ABCC1: variants seen among roughly 807,000 people sequenced by gnomAD.
ABCC1 encodes the protein ATP binding cassette subfamily C member 1 (ABCC1 blood group).
ABCC1 carries 83 observed loss-of-function variants against 172.9 expected under a neutral mutation model. The observed-to-expected ratio is 0.48, with a 90% CI of 0.40 to 0.58. The LOEUF is 0.58. Among genes scored for constraint, ABCC1 ranks in the 20% least tolerant of loss-of-function variants. ABCC1 has a pLI of 0.00. For synonymous variants in ABCC1, 937 were observed against 825.2 expected (o/e 1.14, Z -2.32); for missense variants, 1,817 against 2,002.7 (o/e 0.91, Z 1.77).
chr16:16,039,424 C>T (rs892803992), intron 7 of ABCC1, among the ~76,000 whole-genome samples: 1 of 151,212 alleles, frequency 6.6e-6, no homozygotes, highest in African/African-American at 2.4e-5. Context: ...CATGCCACCA[C>T]GCCTGACTAA....
intron 23 of ABCC1, among the ~76,000 whole-genome samples, chr16:16,120,407 C>T (rs2045099004): frequency 6.6e-6 from 1 of 152,230 alleles, no homozygotes; most frequent in Non-Finnish European, 1.5e-5. Context: ...CTCCACAAAG[C>T]TTGCAGAAGG....
At position 15,981,171 on chromosome 16, in the gene ABCC1, C is replaced by T. The variant is rs866337033; in HGVS notation, c.49-26645C>T. Among the ~76,000 whole-genome samples the T allele has an allele frequency of 7.9e-5, 12 of 152,246 alleles. No individual in the cohort carries two copies. The South Asian group carries it at 8.3e-4, about 10-fold the overall frequency. On this transcript the variant is annotated intron_variant, in intron 1 of 30. Coordinates refer to ENST00000399410, the MANE Select transcript of ABCC1 (RefSeq NM_004996.4). ...TACAGCCCCCATCAAGGGGCTTTCACGGGTTTGTGTTGTGAGTCTGCGGCT... is the reference window on the plus strand; with the variant it reads ...TACAGCCCCCATCAAGGGGCTTTCATGGGTTTGTGTTGTGAGTCTGCGGCT...
At chr16:15,951,526 C>T (rs1160847887) in intron 1 of ABCC1, among the ~76,000 whole-genome samples, 1 of 151,998 alleles carries the variant, frequency 6.6e-6, no homozygotes, top group South Asian at 2.1e-4. Context: ...ACCCCATCCC[C>T]GTGTTTGACC....
rs1464721993 is a variant in ABCC1 at position 16,071,623 on chromosome 16, G to A, written c.1825-19G>A. ...TGCTTTTTAAAAATAACTCTCCCCT[G>A]CCATTGCTCTCTGTACAGGCGAGTG... On this transcript the variant is annotated intron_variant, in intron 13 of 30. Coordinates refer to ENST00000399410, the MANE Select transcript of ABCC1 (RefSeq NM_004996.4). The A allele has an allele frequency of 1.9e-6, 3 of 1,609,666 alleles. No individual in the cohort carries two copies. In the Admixed American group the frequency reaches 5.0e-5, roughly 27 times the overall value.
chr16:16,099,681 T>A (rs897974272), intron 19 of ABCC1, among the ~76,000 whole-genome samples: 1 of 152,118 alleles, frequency 6.6e-6, no homozygotes, highest in African/African-American at 2.4e-5. Flanking sequence ...GGAGAGGGGC[T>A]TTTATGGGGC....
At position 16,138,347 on chromosome 16, in the gene ABCC1, T is replaced by G; in HGVS notation, c.4293-17T>G. 6.4e-7 allele frequency: 1 copy of G among 1,568,258 alleles called. No homozygotes were observed. The highest frequency in any genetic ancestry group is 8.7e-7 in the Non-Finnish European group (1 of 1,146,950). On this transcript the variant is annotated splice_polypyrimidine_tract_variant and intron_variant, in intron 29 of 30. Coordinates refer to ENST00000399410, the MANE Select transcript of ABCC1 (RefSeq NM_004996.4). ...TTTGACCCAACACTATCTCCTGGTT[T>G]TTTTCTTCCGGTCAAGTGTCGGGCA...
chr16:16,094,682 T>C (rs1596489256), intron 19 of ABCC1, among the ~76,000 whole-genome samples: 1 of 149,390 alleles, frequency 6.7e-6, no homozygotes, highest in African/African-American at 2.5e-5. Flanking sequence ...CCCAGCTAAT[T>C]TTTTTTGTAT....
intron 19 of ABCC1, among the ~76,000 whole-genome samples, chr16:16,099,118 C>A (rs1424012202): frequency 6.6e-6 from 1 of 152,230 alleles, no homozygotes; most frequent in African/African-American, 2.4e-5. Context: ...CCCCAGATCC[C>A]TTTATTGTCA....
chr16:16,090,765 G>A (rs1372916033), intron 19 of ABCC1, among the ~76,000 whole-genome samples, 177 bp downstream of exon 19: 8 of 152,144 alleles, frequency 5.3e-5, no homozygotes, highest in Non-Finnish European at 1.2e-4. Flanking sequence ...AGTCCCTGCA[G>A]CGCTGAACTG....
chr16:15,976,555 C>T (rs45474594), intron 1 of ABCC1, among the ~76,000 whole-genome samples: 11 of 152,276 alleles, frequency 7.2e-5, no homozygotes, highest in East Asian at 5.8e-4. Flanking sequence ...CATAAACACC[C>T]TGGGGTGGGC....
At chr16:16,059,413 G>C (rs949142338) in intron 12 of ABCC1, among the ~76,000 whole-genome samples, 1 of 152,188 alleles carries the variant, frequency 6.6e-6, no homozygotes, top group Non-Finnish European at 1.5e-5. Context: ...GGGTGTGGCT[G>C]TGTTCCTGTA....
chr16:16,136,671 C>T (rs765373742), intron 29 of ABCC1, 27 bp downstream of exon 29: 40 of 1,609,296 alleles, frequency 2.5e-5, no homozygotes, highest in East Asian at 1.1e-4. Flanking sequence ...AAGGAGACAC[C>T]GGGTAAGGTG....
intron 1 of ABCC1, among the ~76,000 whole-genome samples, chr16:15,981,410 A>G (rs1412221871): frequency 6.6e-6 from 1 of 152,088 alleles, no homozygotes. Context: ...AGGCATTTCC[A>G]TGCATCCTCT....
At chr16:16,092,837 A>G (rs1216420863) in intron 19 of ABCC1, among the ~76,000 whole-genome samples, 1 of 152,150 alleles carries the variant, frequency 6.6e-6, no homozygotes, top group Admixed American at 6.5e-5. Context: ...TGAAAGTACA[A>G]ACATTAGCTG....
At chr16:16,048,900 T>C (rs2151892614) in intron 10 of ABCC1, among the ~76,000 whole-genome samples, 1 of 152,196 alleles carries the variant, frequency 6.6e-6, no homozygotes, top group South Asian at 2.1e-4. Context: ...GGAGAATTGC[T>C]TGAACCTGGA....
intron 20 of ABCC1, among the ~76,000 whole-genome samples, chr16:16,103,068 G>A (rs539158653): frequency 6.6e-6 from 1 of 152,160 alleles, no homozygotes. Flanking sequence ...ACTGTCTCAA[G>A]GCCAGGTGTG....
rs2050428416 is a variant in ABCC1, at chr16:16,073,382, GT to G, written c.1912+1654del. ...TACTATGTGCCAAGCATTGTGAGAA[GT>G]GCTCTGTGTGCACTGCCTCATAGAC... is the stretch of plus-strand genomic sequence containing the variant. On this transcript the variant is annotated intron_variant, in intron 14 of 30. Transcript: ENST00000399410. 2.6e-5 allele frequency among the ~76,000 whole-genome samples: 4 copies of G among 152,210 alleles called. No individual in the cohort carries two copies. In the South Asian group the frequency reaches 8.3e-4, roughly 31 times the overall value.
intron 19 of ABCC1, among the ~76,000 whole-genome samples, chr16:16,093,979 CTT>C (rs578261751): frequency 0.013 from 1,342 of 106,600 alleles, 23 homozygotes; most frequent in African/African-American, 0.035. Flanking sequence ...TCCCTCTCTC[CTT>C]TTTTTTTTTT....
intron 1 of ABCC1, among the ~76,000 whole-genome samples, chr16:15,951,325 A>T (rs1597046018): frequency 6.6e-6 from 1 of 152,276 alleles, no homozygotes; most frequent in East Asian, 1.9e-4. Context: ...ATGGCTAATG[A>T]GTATGTTTGG....
Sources: allele counts gnomAD v4.1 joint callset (sites outside exome capture counted in the v4.1 genomes callset), GRCh38; gene constraint gnomAD v4.1.1; transcripts MANE v1.5; gene names NCBI Gene and HGNC (gene_info 2026-07-23, HGNC 2026-07-21).